Variants in UBE2K observed in about 807,000 individuals in gnomAD.
The protein encoded by UBE2K is ubiquitin conjugating enzyme E2 K.
A neutral mutation model predicts 30.0 loss-of-function variants in UBE2K; 6 were observed. The ratio of observed to expected loss-of-function variants is 0.20; its 90% CI spans 0.11 to 0.39. The LOEUF is 0.39. Ranked by LOEUF, UBE2K falls within the 10% of genes least tolerant of loss-of-function variation. The probability of loss-of-function intolerance (pLI) is 1.00; values close to 1 mark genes in which losing one functional copy is unlikely to be tolerated. For missense variants in UBE2K, 61 were observed against 241.6 expected, an observed-to-expected ratio of 0.25 and a Z score of 4.96; for synonymous variants, 86 against 83.7, an observed-to-expected ratio of 1.03 and a Z score of -0.15.
chr4:39,760,746 A>G (rs1230267945), intron 4 of UBE2K, among the ~76,000 whole-genome samples: 2 of 152,172 alleles, frequency 1.3e-5, no homozygotes, highest in Admixed American at 6.5e-5. Flanking sequence ...AAATACAAAA[A>G]ATTAGCTACA....
At chr4:39,771,209 T>C in intron 4 of UBE2K, 1 of 1,612,714 alleles carries the variant, frequency 6.2e-7, no homozygotes, top group East Asian at 2.2e-5. Flanking sequence ...ATGCGTGCAC[T>C]GTGCATCAGG....
intron 3 of UBE2K, among the ~76,000 whole-genome samples, chr4:39,753,204 T>C (rs1016130073): frequency 6.6e-6 from 1 of 151,934 alleles, no homozygotes; most frequent in South Asian, 2.1e-4. Flanking sequence ...GCCTGGGTAA[T>C]ATGGTGAAAC....
intron 5 of UBE2K, 115 bp from the exon 6 acceptor site, chr4:39,777,567 T>C: frequency 9.6e-7 from 1 of 1,041,522 alleles, no homozygotes; most frequent in Non-Finnish European, 1.3e-6. Context: ...GTGAATCACA[T>C]TTTAAATGTA....
chr4:39,719,775 T>G (rs1335095800), intron 1 of UBE2K, among the ~76,000 whole-genome samples: 2 of 152,230 alleles, frequency 1.3e-5, no homozygotes, highest in African/African-American at 4.8e-5. Flanking sequence ...TGCTTTTTCT[T>G]AAATCACTGT....
At chr4:39,727,127 A>C (rs1719796995) in intron 1 of UBE2K, among the ~76,000 whole-genome samples, 1 of 152,200 alleles carries the variant, frequency 6.6e-6, no homozygotes, top group South Asian at 2.1e-4. Context: ...TTTTACAGTT[A>C]CATTATTCTT....
At chr4:39,743,552 C>T (rs530016612) in intron 2 of UBE2K, among the ~76,000 whole-genome samples, 18 of 150,954 alleles carry the variant, frequency 1.2e-4, no homozygotes, top group African/African-American at 3.4e-4. Context: ...TGCAGTGAGC[C>T]GAGATCCCGC....
At chr4:39,771,516 C>T (rs1488590520) in intron 4 of UBE2K, 31 of 1,403,538 alleles carry the variant, frequency 2.2e-5, no homozygotes, top group South Asian at 7.3e-5. Flanking sequence ...CCCCGCGGGG[C>T]CGGAAGCGCC....
chr4:39,740,943 T>G (rs945471282), intron 2 of UBE2K, among the ~76,000 whole-genome samples: 3 of 151,696 alleles, frequency 2.0e-5, no homozygotes, highest in Non-Finnish European at 4.4e-5. Context: ...TTTTTCCCGA[T>G]ACCGAGAATG....
At chr4:39,718,171 CT>C (rs1719207244) in intron 1 of UBE2K, among the ~76,000 whole-genome samples, 1 of 152,126 alleles carries the variant, frequency 6.6e-6, no homozygotes, top group Non-Finnish European at 1.5e-5. Context: ...GCTGATTGGT[CT>C]GTTTTACAGA....
At chr4:39,743,050 A>G (rs1451193904) in intron 2 of UBE2K, among the ~76,000 whole-genome samples, 1 of 151,984 alleles carries the variant, frequency 6.6e-6, no homozygotes, top group Non-Finnish European at 1.5e-5. Context: ...TCTCAGGAAA[A>G]AAAAAAAAAG....
chr4:39,746,035 A>C (rs1269503594), intron 3 of UBE2K, among the ~76,000 whole-genome samples: 1 of 152,068 alleles, frequency 6.6e-6, no homozygotes, highest in African/African-American at 2.4e-5. Context: ...TCAAAACTGG[A>C]ATAGGATGTA....
At chr4:39,710,913 C>T (rs970505178) in intron 1 of UBE2K, among the ~76,000 whole-genome samples, 3 of 152,022 alleles carry the variant, frequency 2.0e-5, no homozygotes, top group Non-Finnish European at 4.4e-5. Context: ...TAAACTGCCT[C>T]TACCCAAATA....
chr4:39,761,453 T>C (rs1711938691), intron 4 of UBE2K, among the ~76,000 whole-genome samples: 1 of 152,222 alleles, frequency 6.6e-6, no homozygotes, highest in Non-Finnish European at 1.5e-5. Flanking sequence ...TTATTCTACA[T>C]AGTAAGGCCT....
At chr4:39,757,874 G>A (rs1172624001) in intron 4 of UBE2K, among the ~76,000 whole-genome samples, 1 of 152,092 alleles carries the variant, frequency 6.6e-6, no homozygotes, top group Non-Finnish European at 1.5e-5. Flanking sequence ...GCATCTTTGT[G>A]TATTAGAATG....
At chr4:39,739,142 C>G (rs1284065494) in intron 2 of UBE2K, among the ~76,000 whole-genome samples, 2 of 151,932 alleles carry the variant, frequency 1.3e-5, no homozygotes, top group Non-Finnish European at 2.9e-5. Context: ...ATTCTCCTGC[C>G]TCAGCCTTCC....
At chr4:39,719,251 T>C (rs1427035762) in intron 1 of UBE2K, among the ~76,000 whole-genome samples, 1 of 152,224 alleles carries the variant, frequency 6.6e-6, no homozygotes, top group Admixed American at 6.5e-5. Flanking sequence ...AACCTACTTG[T>C]CCTAAAATAC....
chr4:39,774,780 G>A, intron 4 of UBE2K, 54 bp from the exon 5 acceptor site: 1 of 1,090,852 alleles, frequency 9.2e-7, no homozygotes, highest in Non-Finnish European at 1.3e-6. Context: ...AAAATACTTT[G>A]CTTTTGCCTG....
At chr4:39,742,978 G>A (rs974949439) in intron 2 of UBE2K, among the ~76,000 whole-genome samples, 1 of 152,068 alleles carries the variant, frequency 6.6e-6, no homozygotes, top group African/African-American at 2.4e-5. Flanking sequence ...CCTGAAAGGT[G>A]GAGGTTGCAG....
Position 39,779,042 on chromosome 4 carries a change from A to ACCCCCCCCCCCCCCCCCCCCCCCC in UBE2K, c.*616_*617insCCCCCCCCCCCCCCCCCCCCCCCC, listed in dbSNP as rs3839130. On this transcript the variant is annotated 3_prime_UTR_variant, in exon 7 of 7. Transcript: ENST00000261427. The stretch of plus-strand genomic sequence containing the variant: ...TGGGACAGTGTCTGATTCCCCCTTC[A>ACCCCCCCCCCCCCCCCCCCCCCCC]CCCCCCCCACCCCCGCCTTGCCACA... 1 of 128,312 alleles carries ACCCCCCCCCCCCCCCCCCCCCCCC rather than the reference A, an allele frequency of 7.8e-6. No homozygotes were observed. Among genetic ancestry groups the ACCCCCCCCCCCCCCCCCCCCCCCC allele is most frequent in the South Asian group, 2.5e-4 (1 of 4,006 alleles). The allele number at this position is 128,312 out of a possible 1,614,324, so 7.9% of individuals were successfully genotyped here.
Sources: allele counts gnomAD v4.1 joint callset (sites outside exome capture counted in the v4.1 genomes callset), GRCh38; gene constraint gnomAD v4.1.1; transcripts MANE v1.5; gene names NCBI Gene and HGNC (gene_info 2026-07-23, HGNC 2026-07-21).